The following CPVL variants were observed in gnomAD, a reference collection of about 807,000 sequenced individuals.
The protein encoded by CPVL is carboxypeptidase vitellogenic like, also known as probable serine carboxypeptidase CPVL.
Under a neutral mutation model 63.7 loss-of-function variants are expected in CPVL, and 51 were observed. The ratio of observed to expected loss-of-function variants is 0.80; its 90% confidence interval spans 0.64 to 1.01. The LOEUF is 1.01. CPVL is among the 50% of genes least tolerant of loss of function. CPVL has a pLI of 0.00. For missense variants in CPVL, 530 were observed against 573.1 expected, an observed-to-expected ratio of 0.92 and a Z score of 0.77; for synonymous variants, 195 against 206.0, an observed-to-expected ratio of 0.95 and a Z score of 0.46.
At position 29,097,610 on chromosome 7, in the gene CPVL, C is replaced by T. The variant is rs1228664191; in HGVS notation, c.289-1393G>A. ...ACTTGGGAGGCTGAGGCAGAAGAAT[C>T]CCTTGAACCAGGGAGGCAGAGGTTG... On this transcript the variant is annotated intron_variant, in intron 3 of 12. Coordinates refer to ENST00000265394, the MANE Select transcript of CPVL (RefSeq NM_031311.5). 2.0e-5 allele frequency among the ~76,000 whole-genome samples: 3 copies of T among 152,114 alleles called. No individual in the cohort carries two copies. In the East Asian group the frequency reaches 5.8e-4, roughly 29 times the overall value.
chr7:29,130,300 G>T (rs1790552724), intron 1 of CPVL, among the ~76,000 whole-genome samples: 1 of 152,126 alleles, frequency 6.6e-6, no homozygotes, highest in African/African-American at 2.4e-5. Context: ...AAGCAAAACT[G>T]ATTTCTTACA....
chr7:29,147,147 A>G, upstream of CPVL: 1 of 760,040 alleles, frequency 1.3e-6, no homozygotes, highest in Non-Finnish European at 2.1e-6. Flanking sequence ...GTATATTATT[A>G]GCCACCACCA....
rs373926372 is a variant in CPVL, at chr7:29,132,278, G to A, written c.-10-11207C>T. Among the ~76,000 whole-genome samples, 93 of 152,228 alleles carry A rather than the reference G, an allele frequency of 6.1e-4. 1 individual carries two copies. In the South Asian group the frequency reaches 7.7e-3, roughly 13 times the overall value. On this transcript the variant is annotated intron_variant, in intron 1 of 12. Transcript: ENST00000265394. ...GGTGGGGGCCAGGTGAGCGATGGTC[G>A]GAGTGGTTCGAAGGGGGATCAGGTA...
At chr7:29,095,954 G>A (rs561606009) in intron 4 of CPVL, 149 bp downstream of exon 4, 14 of 707,760 alleles carry the variant, frequency 2.0e-5, no homozygotes, top group South Asian at 3.5e-5. Context: ...CCTCCTTCTC[G>A]GATGGATATT....
At chr7:29,064,356 T>C (rs1331351481) in intron 10 of CPVL, 122 bp from the exon 11 acceptor site, 1 of 543,252 alleles carries the variant, frequency 1.8e-6, no homozygotes, top group African/African-American at 1.9e-5. Context: ...ACTATTAACT[T>C]GTCGCCATTC....
intron 2 of CPVL, 55 bp downstream of exon 2, chr7:29,120,838 A>T: frequency 2.1e-6 from 3 of 1,396,588 alleles, no homozygotes; most frequent in African/African-American, 1.5e-5. Context: ...AAAAAAAAAA[A>T]GAGAAACTGT....
chr7:29,131,672 C>G (rs914205042), intron 1 of CPVL, among the ~76,000 whole-genome samples: 3 of 152,202 alleles, frequency 2.0e-5, no homozygotes, highest in Admixed American at 6.5e-5. Context: ...GCCACCACAC[C>G]CAGCTAATTT....
rs899692325 is a variant in CPVL at position 29,069,164 on chromosome 7, G to A, written c.864+2609C>T. 3.3e-5 allele frequency among the ~76,000 whole-genome samples: 5 copies of A among 151,892 alleles called. No homozygotes were observed. The South Asian group carries it at 1.0e-3, about 32-fold the overall frequency. ...GAGTTAAAAGTCATTTGTTGGCCAG[G>A]CATGGTGGCTCACAGCTGTAATCCC... On this transcript the variant is annotated intron_variant, in intron 9 of 12. Coordinates refer to ENST00000265394, the MANE Select transcript of CPVL (RefSeq NM_031311.5).
chr7:29,128,837 G>C (rs1255114639), intron 1 of CPVL, among the ~76,000 whole-genome samples: 1 of 152,138 alleles, frequency 6.6e-6, no homozygotes. Flanking sequence ...CTGAGACTGA[G>C]AGGGAGCCAG....
intron 11 of CPVL, among the ~76,000 whole-genome samples, chr7:29,032,437 C>G (rs1788114372): frequency 6.6e-6 from 1 of 152,146 alleles, no homozygotes; most frequent in South Asian, 2.1e-4. Context: ...AAAAATTCAA[C>G]TGAACTCCAG....
chr7:29,092,588 CT>C, intron 6 of CPVL, 34 bp downstream of exon 6: 1 of 1,494,252 alleles, frequency 6.7e-7, no homozygotes, highest in Non-Finnish European at 9.3e-7. Flanking sequence ...AATGTTTGGT[CT>C]TAGGAAAGCC....
intron 3 of CPVL, among the ~76,000 whole-genome samples, chr7:29,101,419 T>G (rs952684338): frequency 2.6e-5 from 4 of 152,082 alleles, no homozygotes; most frequent in African/African-American, 9.7e-5. Flanking sequence ...GCTAACACGG[T>G]GAAACCCCGT....
intron 11 of CPVL, among the ~76,000 whole-genome samples, chr7:29,053,546 A>G (rs1790411767): frequency 1.3e-5 from 2 of 152,234 alleles, no homozygotes; most frequent in South Asian, 4.1e-4. Context: ...CCATACAGAC[A>G]GAAAGTAGAT....
At chr7:29,190,828 T>C (rs951267377) in intron 1 of CPVL, among the ~76,000 whole-genome samples, 8 of 152,194 alleles carry the variant, frequency 5.3e-5, no homozygotes, top group African/African-American at 1.7e-4. Flanking sequence ...AATTTGCTCA[T>C]TTACTCAATG....
intron 7 of CPVL, among the ~76,000 whole-genome samples, chr7:29,085,922 A>C (rs560443515): frequency 1.9e-4 from 29 of 152,354 alleles, no homozygotes; most frequent in Admixed American, 1.4e-3. Flanking sequence ...TGAGGACAAC[A>C]AACAAGGCAG....
chr7:29,068,171 A>AT (rs368320760), intron 9 of CPVL, among the ~76,000 whole-genome samples: 24 of 150,716 alleles, frequency 1.6e-4, no homozygotes, highest in East Asian at 1.6e-3. Flanking sequence ...CGCCCAGCTA[A>AT]TTTTTTTTTG....
upstream of CPVL, chr7:29,146,599 A>C: frequency 6.5e-7 from 1 of 1,550,382 alleles, no homozygotes. Flanking sequence ...CCAGACCCAC[A>C]GGGCAAAAAG....
chr7:29,109,603 G>A (rs933716377), intron 3 of CPVL, among the ~76,000 whole-genome samples: 1 of 152,140 alleles, frequency 6.6e-6, no homozygotes, highest in Non-Finnish European at 1.5e-5. Flanking sequence ...TTCCTGGTAA[G>A]AGGTTCTTGG....
intron 12 of CPVL, chr7:29,012,218 T>G (rs192484446): frequency 1.6e-4 from 25 of 152,296 alleles, no homozygotes; most frequent in Admixed American, 1.3e-3. Context: ...TATGAATCTA[T>G]TATCCAGAAA....
Sources: allele counts gnomAD v4.1 joint callset (sites outside exome capture counted in the v4.1 genomes callset), GRCh38; gene constraint gnomAD v4.1.1; transcripts MANE v1.5; gene names NCBI Gene and HGNC (gene_info 2026-07-23, HGNC 2026-07-21).